The following DLC1 variants were observed in gnomAD, a reference collection of about 807,000 sequenced individuals.
DLC1 encodes DLC1 Rho GTPase activating protein, also known as rho GTPase-activating protein 7.
DLC1 carries 54 observed loss-of-function variants against 140.3 expected under a neutral mutation model. The observed-to-expected ratio is 0.38, with a 90% CI of 0.31 to 0.48. The LOEUF is 0.48. DLC1 is among the 20% of genes least tolerant of loss of function. DLC1 has a pLI of 0.96. For synonymous variants in DLC1, 986 were observed against 728.1 expected, an observed-to-expected ratio of 1.35 and a Z score of -5.70; for missense variants, 2,536 against 1,907.0, an observed-to-expected ratio of 1.33 and a Z score of -6.14.
At chr8:13,439,560 T>C (rs551891377) in intron 2 of DLC1, among the ~76,000 whole-genome samples, 10 of 152,268 alleles carry the variant, frequency 6.6e-5, no homozygotes, top group African/African-American at 2.4e-4. Context: ...TTTGGACCAA[T>C]CCTTGTATTT....
At chr8:13,133,734 T>C (rs1221737823) in intron 5 of DLC1, among the ~76,000 whole-genome samples, 1 of 151,918 alleles carries the variant, frequency 6.6e-6, no homozygotes, top group Admixed American at 6.6e-5. Context: ...GTCCCTTCTT[T>C]TTCTTGGTAG....
At chr8:13,344,755 G>A (rs1348395690) in intron 4 of DLC1, among the ~76,000 whole-genome samples, 1 of 151,780 alleles carries the variant, frequency 6.6e-6, no homozygotes, top group Non-Finnish European at 1.5e-5. Flanking sequence ...GCACGTGTGT[G>A]TAACAATATT....
chr8:13,130,568 C>T (rs1279863219), intron 5 of DLC1, among the ~76,000 whole-genome samples: 1 of 152,140 alleles, frequency 6.6e-6, no homozygotes, highest in Admixed American at 6.5e-5. Context: ...CTCCAGAGCC[C>T]TAAGAAAATC....
At chr8:13,128,890 CTG>C (rs1821831601) in intron 5 of DLC1, among the ~76,000 whole-genome samples, 3 of 151,820 alleles carry the variant, frequency 2.0e-5, no homozygotes, top group African/African-American at 7.3e-5. Flanking sequence ...GGCTTTCTTC[CTG>C]TTCTCCATTA....
chr8:13,537,010 A>G (rs1272265789), intron 1 of DLC1, among the ~76,000 whole-genome samples: 2 of 152,208 alleles, frequency 1.3e-5, no homozygotes, highest in Non-Finnish European at 2.9e-5. Context: ...TAAGTAGCCA[A>G]TATACTGTTT....
At chr8:13,204,988 T>A (rs1827581889) in intron 5 of DLC1, among the ~76,000 whole-genome samples, 1 of 152,198 alleles carries the variant, frequency 6.6e-6, no homozygotes. Context: ...TAACACCTTC[T>A]TGATCATACT....
chr8:13,231,243 A>G (rs1209624349), intron 5 of DLC1, among the ~76,000 whole-genome samples: 1 of 151,340 alleles, frequency 6.6e-6, no homozygotes, highest in Non-Finnish European at 1.5e-5. Flanking sequence ...CAAGTGCGGG[A>G]TTTTCATTCT....
Position 13,276,556 on chromosome 8 carries a change from C to T in DLC1, c.1348+28713G>A, listed in dbSNP as rs567884385. The T allele has an allele frequency of 1.1e-5, 14 of 1,276,278 alleles. No individual in the cohort carries two copies. The Admixed American group carries it at 1.7e-4, about 16-fold the overall frequency. 79.1% of individuals were successfully genotyped at this position (1,276,278 alleles called of 1,614,324 possible). A position where few individuals can be genotyped will look rare whatever the true frequency, so the allele number is the denominator to read the frequency against. On this transcript the variant is annotated intron_variant, in intron 5 of 17. Transcript: ENST00000276297. Reference sequence around the variant, plus strand: ...CCGGGAAGCGCCAACTGCAGGCGGCCTCCTGGCCCGCGGCCAAGCGCGCGC... The same window carrying T: ...CCGGGAAGCGCCAACTGCAGGCGGCTTCCTGGCCCGCGGCCAAGCGCGCGC...
intron 1 of DLC1, chr8:13,567,470 A>G: frequency 6.4e-7 from 1 of 1,552,108 alleles, no homozygotes; most frequent in Non-Finnish European, 8.7e-7. Context: ...GAGGCTTCAG[A>G]GAGAGATGCC....
chr8:13,498,040 G>C (rs1200004702), intron 2 of DLC1, among the ~76,000 whole-genome samples: 1 of 152,118 alleles, frequency 6.6e-6, no homozygotes, highest in Non-Finnish European at 1.5e-5. Flanking sequence ...GATAGCCCCA[G>C]TTGAACAGAA....
At chr8:13,526,184 G>A (rs368152368) in intron 1 of DLC1, among the ~76,000 whole-genome samples, 41 of 151,740 alleles carry the variant, frequency 2.7e-4, no homozygotes, top group African/African-American at 6.3e-4. Context: ...TTTTTCTATC[G>A]CATACAATAC....
chr8:13,453,590 A>G (rs1452839591), intron 2 of DLC1, among the ~76,000 whole-genome samples: 1 of 126,546 alleles, frequency 7.9e-6, no homozygotes, highest in Non-Finnish European at 1.6e-5. Context: ...AGAAATGTTT[A>G]CTGAGACTAA....
chr8:13,117,080 G>T (rs1162854665), intron 5 of DLC1, among the ~76,000 whole-genome samples: 1 of 152,186 alleles, frequency 6.6e-6, no homozygotes, highest in Non-Finnish European at 1.5e-5. Flanking sequence ...TCTCAGCAAG[G>T]AAATAAAGAT....
At chr8:13,214,604 G>A in intron 5 of DLC1, 1 of 745,220 alleles carries the variant, frequency 1.3e-6, no homozygotes, top group African/African-American at 1.8e-5. Context: ...GGAGTGCAGT[G>A]TTCTGCCAGG....
chr8:13,184,019 C>T (rs1445905179), intron 5 of DLC1, among the ~76,000 whole-genome samples: 1 of 152,162 alleles, frequency 6.6e-6, no homozygotes, highest in Non-Finnish European at 1.5e-5. Context: ...TTGAGAGATT[C>T]AACTTCTTCC....
At chr8:13,251,132 A>T (rs1039108489) in intron 5 of DLC1, among the ~76,000 whole-genome samples, 1 of 151,884 alleles carries the variant, frequency 6.6e-6, no homozygotes, top group Non-Finnish European at 1.5e-5. Flanking sequence ...TTCTATGTGC[A>T]CTCTCCTACT....
chr8:13,141,562 G>T (rs945919462), intron 5 of DLC1, among the ~76,000 whole-genome samples: 1 of 152,090 alleles, frequency 6.6e-6, no homozygotes, highest in African/African-American at 2.4e-5. Flanking sequence ...ACTGTATGTT[G>T]CTCTTTCTTT....
At chr8:13,540,472 C>G (rs974344293) in intron 1 of DLC1, among the ~76,000 whole-genome samples, 3 of 152,070 alleles carry the variant, frequency 2.0e-5, no homozygotes, top group African/African-American at 7.2e-5. Context: ...TTATTAACGT[C>G]CGATATTAAA....
chr8:13,111,133 T>C (rs1218879543), intron 6 of DLC1, among the ~76,000 whole-genome samples: 1 of 152,200 alleles, frequency 6.6e-6, no homozygotes, highest in African/African-American at 2.4e-5. Flanking sequence ...GTAGAAATTA[T>C]AATTTAAGCC....
Sources: allele counts gnomAD v4.1 joint callset (sites outside exome capture counted in the v4.1 genomes callset), GRCh38; gene constraint gnomAD v4.1.1; transcripts MANE v1.5; gene names NCBI Gene and HGNC (gene_info 2026-07-23, HGNC 2026-07-21).